The following ARHGAP32 variants were observed in gnomAD, a reference collection of about 807,000 sequenced individuals.
ARHGAP32 encodes the protein Rho GTPase activating protein 32, also known as rho GTPase-activating protein 32.
A neutral mutation model predicts 186.5 loss-of-function variants in ARHGAP32; 51 were observed. That is an observed-to-expected ratio of 0.27 (90% confidence interval 0.22 to 0.35). The LOEUF (loss-of-function observed/expected upper bound fraction) is 0.35, where lower values mean the gene tolerates loss of function less well. Among genes scored for constraint, ARHGAP32 ranks in the 10% least tolerant of loss-of-function variants. The pLI, the probability that ARHGAP32 is intolerant of heterozygous loss-of-function variation, is 1.00. For synonymous variants in ARHGAP32, 950 were observed against 964.3 expected (o/e 0.99, Z 0.27); for missense variants, 2,186 against 2,623.5 (o/e 0.83, Z 3.64).
At chr11:129,174,126 C>A (rs564333478) in intron 1 of ARHGAP32, among the ~76,000 whole-genome samples, 1 of 152,162 alleles carries the variant, frequency 6.6e-6, no homozygotes, top group Non-Finnish European at 1.5e-5. Context: ...TTGCCTCACT[C>A]GGGAAGCGCA....
chr11:128,978,775 A>G lies in ARHGAP32; in HGVS notation c.2117T>C (p.Leu706Pro). 1 of 1,608,562 alleles carries G rather than the reference A, an allele frequency of 6.2e-7. No individual in the cohort carries two copies. The highest frequency in any genetic ancestry group is 8.5e-7 in the Non-Finnish European group (1 of 1,178,422). ...SEPSEMKAMALKGGRAEGTLR... is the reference protein window; with the variant it reads ...SEPSEMKAMAPKGGRAEGTLR... ...AGAATCTCCCAGGCACTCACCTTTC[A>G]GAGCCATGGCTTTCATCTCTGAAGG... The change falls in exon 19 of 23, where the codon CTG becomes CCG. Residue 706 changes from leucine to proline, a missense_variant. Leu to Pro is a moderately conservative substitution (Grantham distance 98). Coordinates refer to ENST00000682385, the MANE Select transcript of ARHGAP32 (RefSeq NM_001378024.1).
intron 15 of ARHGAP32, among the ~76,000 whole-genome samples, chr11:128,984,582 T>C (rs1043792279): frequency 6.6e-6 from 1 of 152,240 alleles, no homozygotes; most frequent in South Asian, 2.1e-4. Flanking sequence ...AAGTAGGAGA[T>C]ACACACACAT....
chr11:129,255,944 C>T (rs1240949973), intron 1 of ARHGAP32, among the ~76,000 whole-genome samples: 3 of 152,036 alleles, frequency 2.0e-5, no homozygotes, highest in Admixed American at 1.3e-4. Context: ...TGAAAACAAT[C>T]CAAATGCCCA....
intron 1 of ARHGAP32, among the ~76,000 whole-genome samples, chr11:129,246,665 T>C (rs1945101783): frequency 6.6e-6 from 1 of 152,202 alleles, no homozygotes. Flanking sequence ...CAGTAGACTA[T>C]TTTTGACTAT....
At chr11:129,069,883 T>G (rs1010242192) in intron 6 of ARHGAP32, among the ~76,000 whole-genome samples, 1 of 152,008 alleles carries the variant, frequency 6.6e-6, no homozygotes, top group African/African-American at 2.4e-5. Flanking sequence ...CATTTTTTGG[T>G]GCCTGGTGCT....
chr11:129,147,232 T>C (rs929688147), intron 2 of ARHGAP32, among the ~76,000 whole-genome samples: 2 of 152,118 alleles, frequency 1.3e-5, no homozygotes, highest in Non-Finnish European at 2.9e-5. Flanking sequence ...TGTTAAAATG[T>C]ATTATATAAA....
At chr11:129,057,732 G>C (rs980440302) in intron 10 of ARHGAP32, among the ~76,000 whole-genome samples, 7 of 150,758 alleles carry the variant, frequency 4.6e-5, no homozygotes, top group African/African-American at 1.7e-4. Context: ...CTGTGTATTA[G>C]TGGACTCGCA....
At chr11:128,984,718 T>C (rs1945811286) in intron 15 of ARHGAP32, among the ~76,000 whole-genome samples, 1 of 152,080 alleles carries the variant, frequency 6.6e-6, no homozygotes. Context: ...GTAAGTAATA[T>C]AATATATATT....
intron 1 of ARHGAP32, among the ~76,000 whole-genome samples, chr11:129,179,804 G>T (rs1316116985): frequency 1.3e-5 from 2 of 151,842 alleles, no homozygotes; most frequent in East Asian, 3.9e-4. Flanking sequence ...TGGGGTGGGG[G>T]GACGGGGGAG....
At chr11:129,061,182 T>C (rs1371675867) in intron 10 of ARHGAP32, among the ~76,000 whole-genome samples, 1 of 152,224 alleles carries the variant, frequency 6.6e-6, no homozygotes, top group Admixed American at 6.5e-5. Context: ...ATTTTATTTA[T>C]GTAGTATTTA....
rs1942596776 is a variant in ARHGAP32 at position 129,123,979 on chromosome 11, T to A, written c.318-50A>T. 1 of 1,241,890 alleles carries A rather than the reference T, an allele frequency of 8.1e-7. No homozygotes were observed. The highest frequency in any genetic ancestry group is 1.1e-6 in the Non-Finnish European group (1 of 948,886). 76.9% of individuals were successfully genotyped at this position (1,241,890 alleles called of 1,614,324 possible). A position where few individuals can be genotyped will look rare whatever the true frequency, so the allele number is the denominator to read the frequency against. ...TCCTTGTCTTTCCTCTACTTACACATGAAGCATAACTATCTAACTCTACTA... is the reference window on the plus strand; with the variant it reads ...TCCTTGTCTTTCCTCTACTTACACAAGAAGCATAACTATCTAACTCTACTA... On this transcript the variant is annotated intron_variant, in intron 3 of 22. Transcript: ENST00000682385. This position sits in a 1 kb window ranked among gnomAD's most constrained non-coding sequence, Gnocchi z 4.6.
chr11:129,271,201 G>A (rs568425501), intron 1 of ARHGAP32, among the ~76,000 whole-genome samples: 1 of 152,310 alleles, frequency 6.6e-6, no homozygotes, highest in African/African-American at 2.4e-5. Context: ...GAAGGACAAG[G>A]ACAGGAGTAG....
chr11:129,211,593 T>C (rs1944583232), intron 1 of ARHGAP32, among the ~76,000 whole-genome samples: 1 of 152,148 alleles, frequency 6.6e-6, no homozygotes, highest in Admixed American at 6.5e-5. Context: ...AAACATGCTA[T>C]GACTGGCTCC....
chr11:129,232,046 A>C (rs961125631), intron 1 of ARHGAP32, among the ~76,000 whole-genome samples: 3 of 143,284 alleles, frequency 2.1e-5, no homozygotes, highest in Non-Finnish European at 4.6e-5. Flanking sequence ...AAAAAAAAAA[A>C]AAAAGAGACT....
At chr11:129,062,589 C>A (rs1940545813) in intron 9 of ARHGAP32, among the ~76,000 whole-genome samples, 1 of 152,144 alleles carries the variant, frequency 6.6e-6, no homozygotes, top group South Asian at 2.1e-4. Flanking sequence ...TCAACTAACA[C>A]AGGTGCAGTA....
chr11:129,181,308 G>A (rs1035740848), intron 1 of ARHGAP32, among the ~76,000 whole-genome samples: 1 of 152,076 alleles, frequency 6.6e-6, no homozygotes, highest in Non-Finnish European at 1.5e-5. Context: ...TGGTTTGTTA[G>A]TCAATTTTTG....
At chr11:129,011,505 G>C (rs1218482982) in intron 11 of ARHGAP32, among the ~76,000 whole-genome samples, 4 of 152,184 alleles carry the variant, frequency 2.6e-5, no homozygotes, top group Non-Finnish European at 4.4e-5. Flanking sequence ...AGTCATATCT[G>C]AGCTGGAAGC....
intron 1 of ARHGAP32, among the ~76,000 whole-genome samples, chr11:129,230,707 A>G (rs1239316424): frequency 6.6e-6 from 1 of 152,190 alleles, no homozygotes; most frequent in Non-Finnish European, 1.5e-5. Context: ...AACTTTTTAA[A>G]ATATCTTTGA....
chr11:129,191,407 A>C (rs940064363), intron 1 of ARHGAP32, among the ~76,000 whole-genome samples: 9 of 152,048 alleles, frequency 5.9e-5, no homozygotes, highest in Non-Finnish European at 1.2e-4. Flanking sequence ...CTGTTTTCAC[A>C]AACTGGTTAA....
Sources: allele counts gnomAD v4.1 joint callset (sites outside exome capture counted in the v4.1 genomes callset), GRCh38; gene constraint gnomAD v4.1.1; non-coding constraint Gnocchi (gnomAD v3.1); transcripts MANE v1.5; gene names NCBI Gene and HGNC (gene_info 2026-07-23, HGNC 2026-07-21).